EXOC7: variants seen among roughly 807,000 people sequenced by gnomAD.
EXOC7 encodes exocyst complex component 7, also known as exocyst complex component Exo70.
A neutral mutation model predicts 87.6 loss-of-function variants in EXOC7; 51 were observed. The observed-to-expected ratio is 0.58, with a 90% CI of 0.46 to 0.73. The LOEUF (loss-of-function observed/expected upper bound fraction) is 0.73, where lower values mean the gene tolerates loss of function less well. Among genes scored for constraint, EXOC7 ranks in the 30% least tolerant of loss-of-function variants. The pLI is 0.00. For synonymous variants in EXOC7, 327 were observed against 357.1 expected (o/e 0.92, Z 0.95); for missense variants, 744 against 888.4 (o/e 0.84, Z 2.07).
At chr17:76,086,981 A>G in intron 12 of EXOC7, 1 of 1,198,150 alleles carries the variant, frequency 8.3e-7, no homozygotes, top group Non-Finnish European at 1.2e-6. Context: ...CAGGTTAGAA[A>G]CGGCATGTCA....
chr17:76,082,187 C>A lies in EXOC7; in HGVS notation c.*1461G>T. ...CTCCTGTCCCTGGTCTCCACCATGT[C>A]CTCCTCCCTTAGAAGAAACAGGTCT... On this transcript the variant is annotated 3_prime_UTR_variant, in exon 19 of 19. Transcript: ENST00000589210. 9.0e-7 allele frequency: 1 copy of A among 1,116,584 alleles called. No homozygotes were observed. Among genetic ancestry groups the A allele is most frequent in the Non-Finnish European group, 1.3e-6 (1 of 796,550 alleles). The allele number at this position is 1,116,584 out of a possible 1,614,324, so 69.2% of individuals were successfully genotyped here. A position where few individuals can be genotyped will look rare whatever the true frequency, so the allele number is the denominator to read the frequency against.
intron 2 of EXOC7, 120 bp from the exon 3 acceptor site, chr17:76,101,983 G>A (rs1197421018): frequency 2.7e-5 from 20 of 743,840 alleles, no homozygotes; most frequent in South Asian, 9.4e-5. Flanking sequence ...CTCCACAAGC[G>A]AAGGAACAGG....
At position 76,103,686 on chromosome 17, in the gene EXOC7, G is replaced by C; in HGVS notation, c.7C>G (p.Pro3Ala). 2 of 1,611,324 alleles carry C rather than the reference G, an allele frequency of 1.2e-6. No homozygotes were observed. The highest frequency in any genetic ancestry group is 1.7e-6 in the Non-Finnish European group (2 of 1,178,898). The change falls in exon 1 of 19, where the codon CCC (proline) becomes GCC (alanine). Residue 3 changes from proline (P) to alanine (A), a missense_variant. Physicochemically the swap from Pro to Ala is conservative, Grantham distance 27. Transcript: ENST00000589210. MI[P>A]PQEASARRRE... ...CGTCGAGCGGATGCCTCCTGTGGGG[G>C]AATCATCGCTCTGAACCCCGCGGCT...
chr17:76,094,351 T>C, intron 6 of EXOC7, 63 bp downstream of exon 6: 1 of 1,538,734 alleles, frequency 6.5e-7, no homozygotes, highest in South Asian at 1.2e-5. Context: ...TAGATTGGAC[T>C]AAAGCAGTAC....
chr17:76,087,623 G>T, intron 12 of EXOC7, 31 bp downstream of exon 12: 1 of 1,548,624 alleles, frequency 6.5e-7, no homozygotes, highest in Non-Finnish European at 8.7e-7. Flanking sequence ...AGGCGAGTGG[G>T]GCAGGGGGCC....
At position 76,088,495 on chromosome 17, in the gene EXOC7, T is replaced by C; in HGVS notation, c.1268A>G (p.Lys423Arg). The C allele has an allele frequency of 6.2e-7, 1 of 1,614,006 alleles. No homozygotes were observed. The highest frequency in any genetic ancestry group is 8.5e-7 in the Non-Finnish European group (1 of 1,179,976). Residue 423 changes from lysine to arginine, a missense_variant, in exon 10 of 19, where the codon AAA becomes AGA. Coordinates refer to ENST00000589210, the MANE Select transcript of EXOC7 (RefSeq NM_001013839.4). ...GTTGTCTGCGAAGTCCTCCAGCGCT[T>C]TGGCACCGATGGTCTCCATGGATGT... ...LITSMETIGA[K>R]ALEDFADNIK...
At chr17:76,098,288 C>A (rs1298784784) in intron 4 of EXOC7, among the ~76,000 whole-genome samples, 1 of 152,026 alleles carries the variant, frequency 6.6e-6, no homozygotes, top group Non-Finnish European at 1.5e-5. Flanking sequence ...AGGCACGTGC[C>A]ACCATGCCCA....
At position 76,094,498 on chromosome 17, in the gene EXOC7, T is replaced by C. The variant is rs370977121; in HGVS notation, c.724A>G (p.Ser242Gly). The stretch of plus-strand genomic sequence containing the variant: ...GAGTAGGGAACCCCAGAGGAAGAAC[T>C]GCTCTTATGGAAATGCTCCTTCAGT... The part of the protein sequence containing the change: ...KGLKEHFHKS[S>G]SSSGVPYSPA... Residue 242 changes from serine to glycine, a missense_variant, in exon 6 of 19, where the codon AGT becomes GGT. Transcript: ENST00000589210. 3.7e-6 allele frequency: 6 copies of C among 1,614,016 alleles called. No individual in the cohort carries two copies. The highest frequency in any genetic ancestry group is 5.1e-6 in the Non-Finnish European group (6 of 1,180,030).
rs953343008 is a variant in EXOC7 at position 76,097,958 on chromosome 17, G to A, written c.478C>T (p.Arg160Trp). 8.7e-6 allele frequency: 14 copies of A among 1,613,984 alleles called. No homozygotes were observed. The highest frequency in any genetic ancestry group is 2.7e-5 in the African/African-American group (2 of 74,912). ...LESEFRSLMTRHSKVVSPVLI... is the reference protein window; with the variant it reads ...LESEFRSLMTWHSKVVSPVLI... ...ACGGGCGAGACGACCTTACTGTGCC[G>A]CGTCATCAGGCTGCGAAATTCGGAC... Residue 160 changes from arginine to tryptophan, a missense_variant, in exon 5 of 19, where the codon CGG becomes TGG. Transcript: ENST00000589210.
rs1344266500 is a variant in EXOC7, at chr17:76,091,314, G to GC, written c.809-80dup. ...AGAAAACAGCAGCGGCCCTCCACCT[G>GC]CCCCCCAGGCCCCGCACCCAGCTCC... On this transcript the variant is annotated intron_variant, in intron 6 of 18. Coordinates refer to ENST00000589210, the MANE Select transcript of EXOC7 (RefSeq NM_001013839.4). The GC allele has an allele frequency of 4.6e-5, 54 of 1,166,874 alleles. No homozygotes were observed. The East Asian group carries it at 1.1e-3, about 24-fold the overall frequency. 72.3% of individuals were successfully genotyped at this position (1,166,874 alleles called of 1,614,324 possible).
At position 76,091,200 on chromosome 17, in the gene EXOC7, A is replaced by G. The variant is rs780462264; in HGVS notation, c.844T>C (p.Tyr282His). The G allele has an allele frequency of 1.2e-6, 2 of 1,614,126 alleles. No individual in the cohort carries two copies. The highest frequency in any genetic ancestry group is 1.1e-5 in the South Asian group (1 of 91,070). Residue 282 changes from tyrosine (Y) to histidine (H), a missense_variant, in exon 7 of 19, where the codon TAT becomes CAT. Physicochemically the swap from Tyr to His is moderately conservative, Grantham distance 83. Around this residue, in one of 3 missense-constraint regions of EXOC7, gnomAD observed 512 missense variants for 573.0 expected, o/e 0.89. Transcript: ENST00000589210. ...IRKAQNLLKQYSQHGLDGKKG... is the reference protein window; with the variant it reads ...IRKAQNLLKQHSQHGLDGKKG... ...TTCCCATCTAGACCATGCTGGGAAT[A>G]CTGTTTCAGAAGGTTCTGAGCCTTA... is the stretch of plus-strand genomic sequence containing the variant.
At position 76,083,515 on chromosome 17, in the gene EXOC7, G is replaced by T; in HGVS notation, c.*133C>A. 1.2e-6 allele frequency: 1 copy of T among 821,492 alleles called. No homozygotes were observed. Among genetic ancestry groups the T allele is most frequent in the Non-Finnish European group, 2.0e-6 (1 of 492,522 alleles). The allele number at this position is 821,492 out of a possible 1,614,324, so 50.9% of individuals were successfully genotyped here. A position where few individuals can be genotyped will look rare whatever the true frequency, so the allele number is the denominator to read the frequency against. ...CAGGACTAGGGGGCTCAGGGACACA[G>T]CTCCCGGAGGCGTGGAGACAGGTCT... On this transcript the variant is annotated 3_prime_UTR_variant, in exon 19 of 19. Coordinates refer to ENST00000589210, the MANE Select transcript of EXOC7 (RefSeq NM_001013839.4).
intron 6 of EXOC7, 158 bp from the exon 7 acceptor site, chr17:76,091,393 T>C (rs2067474650): frequency 1.3e-5 from 8 of 609,010 alleles, no homozygotes; most frequent in South Asian, 3.9e-5. Context: ...GGGACAAGGA[T>C]GAAGGAAAGG....
chr17:76,095,620 T>C (rs1426527554), intron 5 of EXOC7, among the ~76,000 whole-genome samples: 1 of 152,166 alleles, frequency 6.6e-6, no homozygotes, highest in African/African-American at 2.4e-5. Context: ...TAGAGGACTG[T>C]GATAGTCCTA....
chr17:76,081,606 T>C lies in EXOC7; in HGVS notation c.*2042A>G, dbSNP rs1242604122. ...GCTCTCTTGGTGCCTGCAGAGGCACTGCTGTTGGCTGACGTGTGCGGGGGG... is the reference window on the plus strand; with the variant it reads ...GCTCTCTTGGTGCCTGCAGAGGCACCGCTGTTGGCTGACGTGTGCGGGGGG... On this transcript the variant is annotated 3_prime_UTR_variant, in exon 19 of 19. Coordinates refer to ENST00000589210, the MANE Select transcript of EXOC7 (RefSeq NM_001013839.4). 1.2e-6 allele frequency: 2 copies of C among 1,613,952 alleles called. No homozygotes were observed. Among genetic ancestry groups the C allele is most frequent in the Admixed American group, 1.7e-5 (1 of 60,004 alleles).
intron 15 of EXOC7, chr17:76,084,800 T>G: frequency 1.7e-6 from 1 of 583,908 alleles, no homozygotes; most frequent in Non-Finnish European, 3.1e-6. Flanking sequence ...TTCAATAAAT[T>G]GGACAAATAC....
chr17:76,094,119 G>T (rs969856742), intron 6 of EXOC7: 2 of 292,998 alleles, frequency 6.8e-6, no homozygotes, highest in Non-Finnish European at 1.3e-5. Flanking sequence ...TGTGAGGGAG[G>T]AGGCCTAGGC....
At chr17:76,094,254 TG>T in intron 6 of EXOC7, 159 bp downstream of exon 6, 1 of 693,208 alleles carries the variant, frequency 1.4e-6, no homozygotes. Flanking sequence ...CTTCACTGGG[TG>T]GGTAGACACT....
intron 8 of EXOC7, 72 bp downstream of exon 8, chr17:76,089,103 T>C: frequency 1.3e-6 from 2 of 1,595,232 alleles, no homozygotes; most frequent in Non-Finnish European, 1.7e-6. Context: ...TGGGTGGAGT[T>C]GAGGGCTGCA....
Sources: allele counts gnomAD v4.1 joint callset (sites outside exome capture counted in the v4.1 genomes callset), GRCh38; gene constraint gnomAD v4.1.1; regional missense constraint gnomAD v4.1.1; transcripts MANE v1.5; gene names NCBI Gene and HGNC (gene_info 2026-07-23, HGNC 2026-07-21).